Variants in OPCML observed in about 807,000 individuals in gnomAD.
OPCML encodes the protein opioid-binding protein/cell adhesion molecule.
OPCML carries 13 observed loss-of-function variants against 37.8 expected under a neutral mutation model. The observed-to-expected ratio is 0.34, with a 90% CI of 0.22 to 0.55. OPCML has a LOEUF of 0.55. Ranked by LOEUF, OPCML falls within the 20% of genes least tolerant of loss-of-function variation. OPCML has a pLI of 0.91. For synonymous variants in OPCML, 176 were observed against 168.8 expected, an observed-to-expected ratio of 1.04 and a Z score of -0.33; for missense variants, 341 against 435.6, an observed-to-expected ratio of 0.78 and a Z score of 1.93.
chr11:132,920,052 T>C (rs1243512335), intron 2 of OPCML, among the ~76,000 whole-genome samples: 1 of 152,160 alleles, frequency 6.6e-6, no homozygotes, highest in Non-Finnish European at 1.5e-5. Context: ...GATGAAAATA[T>C]ACTGGAATTA....
At chr11:132,895,858 G>A (rs1022688112) in intron 2 of OPCML, among the ~76,000 whole-genome samples, 1 of 152,044 alleles carries the variant, frequency 6.6e-6, no homozygotes, top group Non-Finnish European at 1.5e-5. Context: ...GTCCCAGCAG[G>A]CCCCTAGAGG....
intron 1 of OPCML, among the ~76,000 whole-genome samples, chr11:133,358,474 C>T (rs35501691): frequency 0.013 from 1,933 of 152,268 alleles, 16 homozygotes; most frequent in Non-Finnish European, 0.02. Flanking sequence ...ATTTCTTCGT[C>T]GTCATTTAGA....
chr11:133,064,132 G>A (rs547473654), intron 1 of OPCML, among the ~76,000 whole-genome samples: 82 of 152,314 alleles, frequency 5.4e-4, no homozygotes, highest in African/African-American at 1.9e-3. Flanking sequence ...AGGAGGTGGC[G>A]CTGATCCAGA....
At position 133,532,426 on chromosome 11, in the gene OPCML, A is replaced by G; in HGVS notation, c.-102T>C. 2 of 1,409,408 alleles carry G rather than the reference A, an allele frequency of 1.4e-6. No homozygotes were observed. Among genetic ancestry groups the G allele is most frequent in the Non-Finnish European group, 2.0e-6 (2 of 1,020,246 alleles). 87.3% of individuals were successfully genotyped at this position (1,409,408 alleles called of 1,614,324 possible). On this transcript the variant is annotated 5_prime_UTR_variant, in exon 1 of 8. Transcript: ENST00000524381. Reference sequence around the variant, plus strand: ...CTGAATTCTGAGCAGGTTTAAATCCAATGTTTGCAAAGGGAGGGAGAGAGC... The same window carrying G: ...CTGAATTCTGAGCAGGTTTAAATCCGATGTTTGCAAAGGGAGGGAGAGAGC...
At chr11:133,058,323 A>G (rs1424147949) in intron 1 of OPCML, among the ~76,000 whole-genome samples, 13 of 152,296 alleles carry the variant, frequency 8.5e-5, no homozygotes, top group Admixed American at 5.9e-4. Flanking sequence ...AGAAAGTAGC[A>G]AAAGGAGAGC....
At chr11:132,557,791 A>T (rs937554561) in intron 3 of OPCML, among the ~76,000 whole-genome samples, 1 of 136,640 alleles carries the variant, frequency 7.3e-6, no homozygotes, top group Non-Finnish European at 1.6e-5. Flanking sequence ...AAGTACACAC[A>T]GGGTGATGGG....
intron 2 of OPCML, among the ~76,000 whole-genome samples, chr11:132,765,137 T>G (rs770057835): frequency 6.6e-6 from 1 of 152,056 alleles, no homozygotes; most frequent in Non-Finnish European, 1.5e-5. Flanking sequence ...AGGCCTAAGA[T>G]GCATCTGACA....
At chr11:132,715,594 A>T (rs989240585) in intron 2 of OPCML, among the ~76,000 whole-genome samples, 2 of 152,260 alleles carry the variant, frequency 1.3e-5, no homozygotes, top group East Asian at 1.9e-4. Flanking sequence ...AGTGCTTTTT[A>T]AAAAAGAGGA....
At chr11:133,364,294 G>A (rs1944491355) in intron 1 of OPCML, among the ~76,000 whole-genome samples, 1 of 152,184 alleles carries the variant, frequency 6.6e-6, no homozygotes, top group African/African-American at 2.4e-5. Flanking sequence ...CTAAATTCTA[G>A]CTGATGAAGT....
chr11:132,672,611 G>A (rs986305544), intron 2 of OPCML, among the ~76,000 whole-genome samples: 1 of 152,144 alleles, frequency 6.6e-6, no homozygotes, highest in Non-Finnish European at 1.5e-5. Context: ...TGAAGCAACC[G>A]GAAAATCTCA....
intron 3 of OPCML, among the ~76,000 whole-genome samples, chr11:132,569,220 C>T (rs537926605): frequency 5.7e-4 from 87 of 152,252 alleles, no homozygotes; most frequent in African/African-American, 2.1e-3. Flanking sequence ...TAAAATGAGG[C>T]CATTAGGAAA....
intron 3 of OPCML, among the ~76,000 whole-genome samples, chr11:132,641,395 G>T (rs1373014593): frequency 1.3e-5 from 2 of 152,082 alleles, no homozygotes; most frequent in African/African-American, 4.8e-5. Flanking sequence ...CCCAGGTCAG[G>T]CCTGTCCTGT....
chr11:133,488,150 G>A (rs1255605124), intron 1 of OPCML, among the ~76,000 whole-genome samples: 1 of 152,024 alleles, frequency 6.6e-6, no homozygotes, highest in Non-Finnish European at 1.5e-5. Context: ...CAAACTCACA[G>A]CCAACATCTT....
At chr11:133,330,405 T>TG (rs1421713922) in intron 1 of OPCML, among the ~76,000 whole-genome samples, 4 of 152,292 alleles carry the variant, frequency 2.6e-5, no homozygotes, top group African/African-American at 9.6e-5. Context: ...ATTGCAGCAC[T>TG]ATTCACAATA....
chr11:133,100,014 T>G (rs961429758), intron 1 of OPCML, among the ~76,000 whole-genome samples: 2 of 152,178 alleles, frequency 1.3e-5, no homozygotes, highest in African/African-American at 2.4e-5. Flanking sequence ...ATTATGTTAT[T>G]TGTAGCAACA....
chr11:132,865,369 A>G (rs942183376), intron 2 of OPCML, among the ~76,000 whole-genome samples: 1 of 152,170 alleles, frequency 6.6e-6, no homozygotes, highest in Non-Finnish European at 1.5e-5. Context: ...TTTGCTTAGG[A>G]GGCATTTTTG....
chr11:133,186,663 T>C (rs1003786037), intron 1 of OPCML, among the ~76,000 whole-genome samples: 3 of 152,208 alleles, frequency 2.0e-5, no homozygotes, highest in Non-Finnish European at 2.9e-5. Flanking sequence ...TTAGGACATG[T>C]ATATTATGCA....
chr11:133,399,603 C>T (rs894423751), intron 1 of OPCML, among the ~76,000 whole-genome samples: 1 of 152,106 alleles, frequency 6.6e-6, no homozygotes, highest in Admixed American at 6.5e-5. Context: ...AACACAAACA[C>T]ACATACCCCC....
At chr11:133,389,486 C>T (rs1413068101) in intron 1 of OPCML, among the ~76,000 whole-genome samples, 1 of 152,102 alleles carries the variant, frequency 6.6e-6, no homozygotes, top group African/African-American at 2.4e-5. Context: ...AACTAAAAAC[C>T]TATCGTGTGA....
Sources: gnomAD v4.1 joint callset for allele counts (sites outside exome capture counted in the v4.1 genomes callset) on GRCh38, gnomAD v4.1.1 for gene constraint, MANE v1.5 for transcripts, NCBI Gene and HGNC (gene_info 2026-07-23, HGNC 2026-07-21) for gene names.